Variants in TRABD2B observed in about 807,000 individuals in gnomAD.
The protein encoded by TRABD2B is TraB domain containing 2B.
A neutral mutation model predicts 40.1 loss-of-function variants in TRABD2B; 14 were observed. The observed-to-expected ratio is 0.35, with a 90% CI of 0.23 to 0.55. TRABD2B has a LOEUF of 0.55. Ranked by LOEUF, TRABD2B falls within the 20% of genes least tolerant of loss-of-function variation. The probability of loss-of-function intolerance (pLI) is 0.90; values close to 1 mark genes in which losing one functional copy is unlikely to be tolerated. For missense variants in TRABD2B, 541 were observed against 648.6 expected, an observed-to-expected ratio of 0.83 and a Z score of 1.80; for synonymous variants, 263 against 277.0, an observed-to-expected ratio of 0.95 and a Z score of 0.50.
At chr1:47,772,547 G>C (rs991258221) in intron 6 of TRABD2B, among the ~76,000 whole-genome samples, 2 of 152,124 alleles carry the variant, frequency 1.3e-5, no homozygotes, top group Non-Finnish European at 2.9e-5. Flanking sequence ...AGGACGACAG[G>C]TGCAAGATGA....
intron 3 of TRABD2B, chr1:47,795,495 G>T: frequency 5.0e-6 from 1 of 198,682 alleles, no homozygotes; most frequent in Non-Finnish European, 9.0e-6. Context: ...GAGCTGCCTG[G>T]TACAGCGGGA....
At chr1:47,937,282 T>C (rs1334494474) in intron 2 of TRABD2B, among the ~76,000 whole-genome samples, 1 of 148,990 alleles carries the variant, frequency 6.7e-6, no homozygotes, top group Non-Finnish European at 1.5e-5. Context: ...ACTACCATCA[T>C]GATCATGACC....
At chr1:47,936,848 A>AATC (rs552132165) in intron 2 of TRABD2B, among the ~76,000 whole-genome samples, 3 of 144,146 alleles carry the variant, frequency 2.1e-5, no homozygotes, top group African/African-American at 7.6e-5. Context: ...AACAAATAAG[A>AATC]ATCATCATCA....
chr1:47,894,591 A>G (rs1279563770), intron 2 of TRABD2B, among the ~76,000 whole-genome samples: 1 of 152,186 alleles, frequency 6.6e-6, no homozygotes, highest in African/African-American at 2.4e-5. Context: ...TATGGCAGTC[A>G]GGAAGGCTTC....
intron 2 of TRABD2B, among the ~76,000 whole-genome samples, chr1:47,954,659 G>A (rs1177550801): frequency 6.6e-6 from 1 of 152,228 alleles, no homozygotes; most frequent in Non-Finnish European, 1.5e-5. Context: ...CTGTGTGTGT[G>A]TCTGTATGTG....
intron 2 of TRABD2B, among the ~76,000 whole-genome samples, chr1:47,943,762 ACACAC>A (rs1290797508): frequency 5.2e-5 from 1 of 19,266 alleles, no homozygotes; most frequent in Admixed American, 4.9e-4. Flanking sequence ...CAGAAAACAC[ACACAC>A]ACACACACAC....
chr1:47,772,615 A>G (rs763771272), intron 6 of TRABD2B, among the ~76,000 whole-genome samples: 2 of 152,050 alleles, frequency 1.3e-5, no homozygotes, highest in Non-Finnish European at 2.9e-5. Context: ...GAGGAGAAAA[A>G]TGAGAAATGG....
chr1:47,873,902 A>G (rs1644180727), intron 2 of TRABD2B, among the ~76,000 whole-genome samples: 1 of 152,140 alleles, frequency 6.6e-6, no homozygotes, highest in South Asian at 2.1e-4. Flanking sequence ...TTTTAAGACA[A>G]AACACTGGCT....
At chr1:47,814,467 C>T (rs566169963) in intron 2 of TRABD2B, among the ~76,000 whole-genome samples, 1 of 152,280 alleles carries the variant, frequency 6.6e-6, no homozygotes, top group African/African-American at 2.4e-5. Flanking sequence ...CACTTGGGCC[C>T]CAGGGGCTTT....
rs572604014 is a variant in TRABD2B, at chr1:47,812,834, G to A, written c.667-11215C>T. Among the ~76,000 whole-genome samples, 7 of 152,330 alleles carry A rather than the reference G, an allele frequency of 4.6e-5. No homozygotes were observed. In the South Asian group the frequency reaches 1.0e-3, roughly 23 times the overall value. On this transcript the variant is annotated intron_variant, in intron 2 of 6. Transcript: ENST00000606738. ...CAGGGCTGGAAGACATTCAGTAGTG[G>A]AGGGTCTTCAATCTCATGCCATGGA...
intron 2 of TRABD2B, among the ~76,000 whole-genome samples, chr1:47,929,858 CA>C (rs1438436723): frequency 1.1e-4 from 17 of 152,234 alleles, no homozygotes; most frequent in Non-Finnish European, 1.5e-5. Context: ...CCTCTTTAGC[CA>C]AATGGGCCTG....
intron 2 of TRABD2B, among the ~76,000 whole-genome samples, chr1:47,814,025 G>T (rs560132964): frequency 5.9e-5 from 9 of 152,360 alleles, no homozygotes; most frequent in South Asian, 2.1e-4. Flanking sequence ...CAGCAAATGT[G>T]GGGGACCACA....
At chr1:47,855,183 ATG>A (rs2124534847) in intron 2 of TRABD2B, among the ~76,000 whole-genome samples, 1 of 152,340 alleles carries the variant, frequency 6.6e-6, no homozygotes, top group South Asian at 2.1e-4. Context: ...ATAAATATCT[ATG>A]TATTTGCTAC....
At chr1:47,920,682 C>T (rs536842025) in intron 2 of TRABD2B, among the ~76,000 whole-genome samples, 2 of 152,214 alleles carry the variant, frequency 1.3e-5, no homozygotes, top group Non-Finnish European at 2.9e-5. Context: ...CCTGGCAGTG[C>T]CTGTCCCCTA....
At chr1:47,795,774 C>T (rs1644739953) in intron 3 of TRABD2B, 1 of 879,264 alleles carries the variant, frequency 1.1e-6, no homozygotes, top group Non-Finnish European at 1.4e-6. Context: ...CCTGCACCAC[C>T]ACTTTCCAGG....
chr1:47,919,039 T>C (rs1277616255), intron 2 of TRABD2B, among the ~76,000 whole-genome samples: 1 of 152,254 alleles, frequency 6.6e-6, no homozygotes. Context: ...TCACTCCCTC[T>C]TGGGCTCCCG....
intron 2 of TRABD2B, among the ~76,000 whole-genome samples, chr1:47,983,017 T>G (rs1192646551): frequency 6.6e-6 from 1 of 152,124 alleles, no homozygotes; most frequent in Non-Finnish European, 1.5e-5. Context: ...CATTCTACCA[T>G]AGAGACACAG....
chr1:47,833,831 C>T (rs1320743756), intron 2 of TRABD2B, among the ~76,000 whole-genome samples: 1 of 152,240 alleles, frequency 6.6e-6, no homozygotes, highest in Non-Finnish European at 1.5e-5. Context: ...TTCTCCCCTT[C>T]ATAAAGCAAC....
intron 2 of TRABD2B, among the ~76,000 whole-genome samples, chr1:47,803,602 T>C (rs1569986822): frequency 6.6e-6 from 1 of 152,200 alleles, no homozygotes; most frequent in South Asian, 2.1e-4. Context: ...CTTATTGTTA[T>C]TGTTACACAG....
Sources: gnomAD v4.1 joint callset for allele counts (sites outside exome capture counted in the v4.1 genomes callset) on GRCh38, gnomAD v4.1.1 for gene constraint, MANE v1.5 for transcripts, NCBI Gene and HGNC (gene_info 2026-07-23, HGNC 2026-07-21) for gene names.